STRN: variants seen among roughly 807,000 people sequenced by gnomAD.
The protein encoded by STRN is protein phosphatase 2 regulatory subunit B'''alpha.
A neutral mutation model predicts 96.3 loss-of-function variants in STRN; 53 were observed. The observed-to-expected ratio is 0.55, with a 90% CI of 0.44 to 0.69. The LOEUF (loss-of-function observed/expected upper bound fraction) is 0.69. Among genes scored for constraint, STRN ranks in the 30% least tolerant of loss-of-function variants. The pLI is 0.00. For missense variants in STRN, 987 were observed against 963.9 expected (o/e 1.02, Z -0.32); for synonymous variants, 428 against 355.9 (o/e 1.20, Z -2.28).
chr2:36,858,375 C>CA (rs1668402165), intron 13 of STRN, among the ~76,000 whole-genome samples: 2 of 151,164 alleles, frequency 1.3e-5, no homozygotes, highest in South Asian at 4.1e-4. Context: ...CCACAACTCA[C>CA]ACTCCCTGAG....
chr2:36,908,269 T>C (rs1044857043), intron 3 of STRN, among the ~76,000 whole-genome samples: 35 of 152,182 alleles, frequency 2.3e-4, no homozygotes, highest in Non-Finnish European at 4.1e-4. Flanking sequence ...TCCTCAAATA[T>C]ACTCAACTAC....
intron 1 of STRN, among the ~76,000 whole-genome samples, chr2:36,943,134 A>G (rs1005789013): frequency 1.3e-5 from 2 of 152,194 alleles, no homozygotes; most frequent in African/African-American, 2.4e-5. Context: ...TCAGTAAACT[A>G]TATTTTGACT....
At chr2:36,866,673 T>C (rs1315528690) in intron 12 of STRN, among the ~76,000 whole-genome samples, 1 of 152,208 alleles carries the variant, frequency 6.6e-6, no homozygotes, top group Non-Finnish European at 1.5e-5. Context: ...TAAATCTTTT[T>C]GACAGTCTCT....
rs754632656 is a variant in STRN at position 36,916,158 on chromosome 2, A to G, written c.339-7T>C. Reference sequence around the variant, plus strand: ...CAACTTGTGGTATTTGGCTCTAACAAAGAAATGAGAAAATACAGACCATCT... The same window carrying G: ...CAACTTGTGGTATTTGGCTCTAACAGAGAAATGAGAAAATACAGACCATCT... On this transcript the variant is annotated splice_region_variant and splice_polypyrimidine_tract_variant and intron_variant, in intron 2 of 17. Coordinates refer to ENST00000263918, the MANE Select transcript of STRN (RefSeq NM_003162.4). 4 of 1,607,820 alleles carry G rather than the reference A, an allele frequency of 2.5e-6. No homozygotes were observed. The highest frequency in any genetic ancestry group is 3.3e-5 in the Admixed American group (2 of 59,888).
At chr2:36,950,688 T>C (rs1664733745) in intron 1 of STRN, among the ~76,000 whole-genome samples, 1 of 152,196 alleles carries the variant, frequency 6.6e-6, no homozygotes, top group Non-Finnish European at 1.5e-5. Context: ...AAGTGTCTAA[T>C]GCCCCAACCA....
At chr2:36,910,455 G>C (rs1207688670) in intron 3 of STRN, among the ~76,000 whole-genome samples, 1 of 152,150 alleles carries the variant, frequency 6.6e-6, no homozygotes, top group Non-Finnish European at 1.5e-5. Context: ...ATAGCACAAA[G>C]ACTGGGAAGA....
chr2:36,879,503 T>C (rs945794156), intron 9 of STRN, among the ~76,000 whole-genome samples: 1 of 152,244 alleles, frequency 6.6e-6, no homozygotes, highest in African/African-American at 2.4e-5. Flanking sequence ...TCCAATTCCT[T>C]CAACAACCAT....
chr2:36,868,192 C>T (rs1175129513), intron 11 of STRN, among the ~76,000 whole-genome samples: 27 of 152,102 alleles, frequency 1.8e-4, no homozygotes, highest in Admixed American at 1.3e-3. Context: ...CACTAATTGG[C>T]TAACTTTAAG....
chr2:36,886,177 T>G lies in STRN; in HGVS notation c.1042+539A>C, dbSNP rs1669221615. Among the ~76,000 whole-genome samples the G allele has an allele frequency of 2.0e-5, 3 of 152,276 alleles. No homozygotes were observed. The South Asian group carries it at 6.2e-4, about 32-fold the overall frequency. On this transcript the variant is annotated intron_variant, in intron 8 of 17. Coordinates refer to ENST00000263918, the MANE Select transcript of STRN (RefSeq NM_003162.4). The stretch of plus-strand genomic sequence containing the variant: ...GTAAAATTGGCCAAAAATGTTTAAA[T>G]AGAAAATAAATATTTTTAGAAGTTA...
At chr2:36,856,232 A>T (rs933383094) in intron 14 of STRN, among the ~76,000 whole-genome samples, 3 of 152,242 alleles carry the variant, frequency 2.0e-5, no homozygotes, top group African/African-American at 7.2e-5. Flanking sequence ...GTAAAATGGT[A>T]CAACTACAAA....
chr2:36,886,693 C>A (rs1371488656), intron 8 of STRN, 23 bp downstream of exon 8: 16 of 1,563,226 alleles, frequency 1.0e-5, no homozygotes, highest in Non-Finnish European at 1.4e-5. Context: ...TTATGATTTA[C>A]AGATACAATG....
intron 3 of STRN, among the ~76,000 whole-genome samples, chr2:36,911,036 G>C (rs1339858236): frequency 1.3e-5 from 2 of 151,722 alleles, no homozygotes; most frequent in Non-Finnish European, 2.9e-5. Context: ...AAAGAACAAA[G>C]AATGCAAAAA....
chr2:36,864,907 G>A (rs1668583404), intron 12 of STRN, among the ~76,000 whole-genome samples: 1 of 152,106 alleles, frequency 6.6e-6, no homozygotes, highest in Non-Finnish European at 1.5e-5. Flanking sequence ...CAGAGATGGG[G>A]TTTCACCATG....
intron 5 of STRN, among the ~76,000 whole-genome samples, chr2:36,901,330 A>G (rs1338656576): frequency 1.3e-5 from 2 of 152,148 alleles, no homozygotes; most frequent in Admixed American, 6.6e-5. Context: ...AGGCGGGTGG[A>G]TCATGAGGTC....
intron 14 of STRN, among the ~76,000 whole-genome samples, chr2:36,856,279 T>G (rs1668341107): frequency 6.6e-6 from 1 of 152,148 alleles, no homozygotes; most frequent in South Asian, 2.1e-4. Context: ...TCACATAAAG[T>G]AAAATAAACA....
intron 2 of STRN, 54 bp downstream of exon 2, chr2:36,925,051 C>A: frequency 6.5e-7 from 1 of 1,530,200 alleles, no homozygotes; most frequent in Non-Finnish European, 9.0e-7. Flanking sequence ...AACGAAACTC[C>A]GTCTCAAAAC....
At chr2:36,891,382 C>T (rs1465660681) in intron 7 of STRN, among the ~76,000 whole-genome samples, 2 of 152,044 alleles carry the variant, frequency 1.3e-5, no homozygotes, top group African/African-American at 4.8e-5. Flanking sequence ...AAAAAATAGC[C>T]GGGCGTGGTG....
chr2:36,908,321 G>C (rs1026161088), intron 3 of STRN, among the ~76,000 whole-genome samples: 1 of 152,130 alleles, frequency 6.6e-6, no homozygotes, highest in Non-Finnish European at 1.5e-5. Flanking sequence ...AAAAAAGTGT[G>C]ATACAGCAAA....
At chr2:36,900,024 G>A (rs895319665) in intron 5 of STRN, among the ~76,000 whole-genome samples, 1 of 152,076 alleles carries the variant, frequency 6.6e-6, no homozygotes, top group Non-Finnish European at 1.5e-5. Flanking sequence ...AAGCAGCTGG[G>A]ATTACAGGAG....
Sources: gnomAD v4.1 joint callset for allele counts (sites outside exome capture counted in the v4.1 genomes callset) on GRCh38, gnomAD v4.1.1 for gene constraint, MANE v1.5 for transcripts, NCBI Gene and HGNC (gene_info 2026-07-23, HGNC 2026-07-21) for gene names.